NLGN1: variants seen among roughly 807,000 people sequenced by gnomAD.
NLGN1 encodes neuroligin-1.
Under a neutral mutation model 65.5 loss-of-function variants are expected in NLGN1, and 12 were observed. That is an observed-to-expected ratio of 0.18 (90% CI 0.12 to 0.30). The LOEUF is 0.30. Among genes scored for constraint, NLGN1 ranks in the 10% least tolerant of loss-of-function variants. The probability of loss-of-function intolerance (pLI) is 1.00; values close to 1 mark genes in which losing one functional copy is unlikely to be tolerated. For synonymous variants in NLGN1, 350 were observed against 359.5 expected (o/e 0.97, Z 0.30); for missense variants, 750 against 1,007.1 (o/e 0.74, Z 3.46).
intron 4 of NLGN1, among the ~76,000 whole-genome samples, chr3:173,848,253 T>C (rs1726200211): frequency 6.6e-6 from 1 of 152,186 alleles, no homozygotes; most frequent in African/African-American, 2.4e-5. Flanking sequence ...ATGAACTCAA[T>C]AGTAGCCATT....
intron 4 of NLGN1, among the ~76,000 whole-genome samples, chr3:173,912,144 G>C (rs1333311905): frequency 2.6e-5 from 4 of 152,146 alleles, no homozygotes; most frequent in Non-Finnish European, 5.9e-5. Context: ...GATCCGAAGA[G>C]AGCATGAGAT....
chr3:173,724,963 A>G (rs907365260), intron 3 of NLGN1, among the ~76,000 whole-genome samples: 24 of 151,926 alleles, frequency 1.6e-4, no homozygotes, highest in Non-Finnish European at 2.8e-4. Flanking sequence ...GTTCTCACTC[A>G]TAGGTGGGAA....
chr3:173,596,561 A>G (rs1255986398), intron 2 of NLGN1, among the ~76,000 whole-genome samples: 2 of 152,222 alleles, frequency 1.3e-5, no homozygotes, highest in African/African-American at 4.8e-5. Flanking sequence ...TAGAGACAAT[A>G]AAGGAGATGA....
At chr3:173,972,248 G>A (rs973247345) in intron 4 of NLGN1, among the ~76,000 whole-genome samples, 3 of 152,084 alleles carry the variant, frequency 2.0e-5, no homozygotes, top group African/African-American at 7.2e-5. Flanking sequence ...AGAAGCTTCA[G>A]CTTGGAGAAG....
At chr3:173,539,995 C>A (rs906869627) in intron 2 of NLGN1, among the ~76,000 whole-genome samples, 16 of 151,068 alleles carry the variant, frequency 1.1e-4, no homozygotes, top group African/African-American at 3.9e-4. Flanking sequence ...TAATGGTTTA[C>A]TGGGTTAGAT....
At chr3:174,062,963 A>G (rs546545578) in intron 4 of NLGN1, among the ~76,000 whole-genome samples, 2 of 152,212 alleles carry the variant, frequency 1.3e-5, no homozygotes, top group South Asian at 4.1e-4. Flanking sequence ...AATCTTATTC[A>G]TTCATTTACT....
At chr3:174,023,193 G>A (rs1253337229) in intron 4 of NLGN1, among the ~76,000 whole-genome samples, 1 of 152,042 alleles carries the variant, frequency 6.6e-6, no homozygotes, top group African/African-American at 2.4e-5. Flanking sequence ...CCTATTGAAT[G>A]CCAGGAATAT....
chr3:173,966,679 C>A (rs1714942367), intron 4 of NLGN1, among the ~76,000 whole-genome samples: 1 of 152,118 alleles, frequency 6.6e-6, no homozygotes, highest in South Asian at 2.1e-4. Context: ...TCAGCAGTAT[C>A]CACCTTGATA....
intron 2 of NLGN1, among the ~76,000 whole-genome samples, chr3:173,540,770 C>T (rs979845936): frequency 6.6e-6 from 1 of 152,196 alleles, no homozygotes; most frequent in African/African-American, 2.4e-5. Context: ...TCCCTAGTGA[C>T]AACTACTCCT....
At chr3:174,101,913 G>C (rs1025159292) in intron 4 of NLGN1, among the ~76,000 whole-genome samples, 1 of 152,080 alleles carries the variant, frequency 6.6e-6, no homozygotes, top group Non-Finnish European at 1.5e-5. Flanking sequence ...ATTTCCAATC[G>C]GGAGATCAGG....
At chr3:173,999,785 A>G (rs765143638) in intron 4 of NLGN1, among the ~76,000 whole-genome samples, 1 of 152,160 alleles carries the variant, frequency 6.6e-6, no homozygotes, top group Non-Finnish European at 1.5e-5. Flanking sequence ...TGACCTTTCA[A>G]TTGAAAGATT....
chr3:173,717,645 A>AAC (rs1770096267), intron 3 of NLGN1, among the ~76,000 whole-genome samples: 1 of 152,194 alleles, frequency 6.6e-6, no homozygotes, highest in South Asian at 2.1e-4. Flanking sequence ...CTGTGTATGG[A>AAC]ATATATATAA....
In NLGN1 at chr3:173,990,180, G is replaced by C. The variant is rs1356098200; in HGVS notation, c.646+182348G>C. On this transcript the variant is annotated intron_variant, in intron 4 of 6. Coordinates refer to ENST00000457714, the Ensembl canonical transcript of NLGN1. ...TCTTAGGCTTTACCCAAAATCTATT[G>C]ATCAGGCATCTCTGGTGTTGAGGAT... Among the ~76,000 whole-genome samples the C allele has an allele frequency of 2.0e-5, 3 of 152,110 alleles. No homozygotes were observed. In the East Asian group the frequency reaches 5.8e-4, roughly 29 times the overall value.
intron 2 of NLGN1, among the ~76,000 whole-genome samples, chr3:173,552,449 TTG>T (rs1301204669): frequency 3.3e-5 from 5 of 152,100 alleles, no homozygotes; most frequent in Admixed American, 3.3e-4. Context: ...AAATTTGAGG[TTG>T]TTGCATTAAG....
intron 4 of NLGN1, among the ~76,000 whole-genome samples, chr3:173,908,885 G>T (rs1738993381): frequency 6.6e-6 from 1 of 152,106 alleles, no homozygotes; most frequent in Admixed American, 6.5e-5. Flanking sequence ...GGGACTATTG[G>T]CAGGCTAAAG....
At chr3:173,539,741 T>TACATATATAACATATATACATATAG (rs1560407073) in intron 2 of NLGN1, among the ~76,000 whole-genome samples, 1 of 129,980 alleles carries the variant, frequency 7.7e-6, no homozygotes, top group African/African-American at 3.1e-5. Flanking sequence ...TATACATATA[T>TACATATATAACATATATACATATAG]GTACATATAT....
intron 2 of NLGN1, among the ~76,000 whole-genome samples, chr3:173,475,359 GTC>G (rs1726018837): frequency 6.6e-6 from 1 of 151,858 alleles, no homozygotes; most frequent in Admixed American, 6.6e-5. Flanking sequence ...TAACTATATA[GTC>G]TCTCTGTGTA....
chr3:174,112,688 G>A (rs532930879), intron 4 of NLGN1, among the ~76,000 whole-genome samples: 2 of 152,078 alleles, frequency 1.3e-5, no homozygotes, highest in South Asian at 2.1e-4. Flanking sequence ...GATTCATACA[G>A]TAGAAGACAA....
At chr3:174,173,002 A>G (rs539430584) in intron 4 of NLGN1, among the ~76,000 whole-genome samples, 2 of 152,088 alleles carry the variant, frequency 1.3e-5, no homozygotes, top group East Asian at 1.9e-4. Flanking sequence ...TGCAGCAACA[A>G]TGTTTGAAAG....
Sources: gnomAD v4.1 joint callset for allele counts (sites outside exome capture counted in the v4.1 genomes callset) on GRCh38, gnomAD v4.1.1 for gene constraint, MANE v1.5 for transcripts, NCBI Gene and HGNC (gene_info 2026-07-23, HGNC 2026-07-21) for gene names.